OR4F16: variants seen among roughly 807,000 people sequenced by gnomAD.
OR4F16 encodes the protein olfactory receptor family 4 subfamily F member 16.
chr1:696,960 A>T, the OR4F16 span, among the ~76,000 whole-genome samples: 1 of 117,772 alleles, frequency 8.5e-6, no homozygotes, highest in Non-Finnish European at 1.5e-5. Flanking sequence ...AAAATATCAC[A>T]TACAGAGAAA....
the OR4F16 span, among the ~76,000 whole-genome samples, chr1:713,463 TATTA>T: frequency 3.8e-3 from 522 of 136,234 alleles, 10 homozygotes; most frequent in Non-Finnish European, 5.9e-3. Context: ...TCCATTACAC[TATTA>T]ATTTGTCATT....
chr1:715,928 A>G, the OR4F16 span, among the ~76,000 whole-genome samples: 1 of 147,560 alleles, frequency 6.8e-6, no homozygotes, highest in Non-Finnish European at 1.5e-5. Context: ...TTTCTTCCCA[A>G]GCCACTAAAT....
At chr1:690,941 A>C (rs2808330), upstream of OR4F16, among the ~76,000 whole-genome samples, 33 of 135,388 alleles carry the variant, frequency 2.4e-4, 1 homozygote, top group African/African-American at 9.9e-4. Context: ...ATAAATATTC[A>C]AGGTGATGAA....
the OR4F16 span, among the ~76,000 whole-genome samples, chr1:711,417 A>C: frequency 6.7e-6 from 1 of 148,572 alleles, no homozygotes; most frequent in African/African-American, 2.5e-5. Context: ...ATGTTCTTGA[A>C]AGAGAGAAAT....
the OR4F16 span, chr1:711,992 ATATCTAT>A: frequency 8.7e-6 from 1 of 115,266 alleles, no homozygotes; most frequent in Non-Finnish European, 1.6e-5. Context: ...ATAATATTAT[ATATCTAT>A]TATATATTAT....
chr1:700,637 TC>T, the OR4F16 span, among the ~76,000 whole-genome samples: 1 of 28,616 alleles, frequency 3.5e-5, no homozygotes, highest in Non-Finnish European at 1.0e-4. Context: ...TTCAGTTATC[TC>T]CCGTTGGATC....
At chr1:711,153 AT>A in the OR4F16 span, among the ~76,000 whole-genome samples, 1 of 133,974 alleles carries the variant, frequency 7.5e-6, no homozygotes, top group Non-Finnish European at 1.5e-5. Context: ...AAACAGAGCT[AT>A]TATTACAACT....
chr1:712,228 C>CTT, the OR4F16 span, among the ~76,000 whole-genome samples: 3 of 84,790 alleles, frequency 3.5e-5, no homozygotes, highest in African/African-American at 1.4e-4. Flanking sequence ...TCAGGGTATA[C>CTT]TTTTTTTTTT....
chr1:702,314 T>C, the OR4F16 span: 2 of 140,806 alleles, frequency 1.4e-5, no homozygotes, highest in Non-Finnish European at 3.0e-5. Context: ...GCCATTGCAC[T>C]CCAGCCTGGG....
the OR4F16 span, among the ~76,000 whole-genome samples, chr1:701,557 T>C: frequency 3.3e-5 from 5 of 150,378 alleles, no homozygotes; most frequent in Admixed American, 6.7e-5. Flanking sequence ...CCACAGTTTA[T>C]ATGCAGGCTG....
chr1:680,040 G>A, the OR4F16 span, among the ~76,000 whole-genome samples: 1 of 132,536 alleles, frequency 7.5e-6, no homozygotes, highest in Non-Finnish European at 1.6e-5. Context: ...CTTCATCCCT[G>A]GGATACAAGG....
the OR4F16 span, among the ~76,000 whole-genome samples, chr1:701,258 A>C: frequency 6.7e-6 from 1 of 148,324 alleles, no homozygotes; most frequent in Non-Finnish European, 1.5e-5. Flanking sequence ...CTTTAAGGAT[A>C]ATGAGAAAAA....
upstream of OR4F16, among the ~76,000 whole-genome samples, chr1:691,283 T>C (rs1643060018): frequency 6.6e-6 from 1 of 152,006 alleles, no homozygotes; most frequent in African/African-American, 2.4e-5. Flanking sequence ...TATAGAAAAT[T>C]ATTTCTCAAA....
the OR4F16 span, chr1:701,972 C>A: frequency 6.8e-6 from 1 of 148,138 alleles, no homozygotes; most frequent in Admixed American, 6.8e-5. Flanking sequence ...ATATGAAAAA[C>A]ACAAATCTTT....
chr1:701,268 A>G, the OR4F16 span, among the ~76,000 whole-genome samples: 211 of 148,962 alleles, frequency 1.4e-3, 14 homozygotes, highest in African/African-American at 5.1e-3. Context: ...AATGAGAAAA[A>G]ATCATCAGTG....
At chr1:702,270 C>A in the OR4F16 span, 1 of 135,298 alleles carries the variant, frequency 7.4e-6, no homozygotes, top group Admixed American at 7.6e-5. Context: ...TCGCTTGAAC[C>A]CAGGAGGTGG....
the OR4F16 span, among the ~76,000 whole-genome samples, chr1:710,291 AAGT>A: frequency 8.3e-6 from 1 of 120,906 alleles, no homozygotes; most frequent in African/African-American, 2.8e-5. Flanking sequence ...GAAAACAAAA[AAGT>A]AGAAAATGAT....
chr1:715,924 C>T, the OR4F16 span, among the ~76,000 whole-genome samples: 6 of 146,906 alleles, frequency 4.1e-5, no homozygotes, highest in East Asian at 1.2e-3. Flanking sequence ...AAGCTTTCTT[C>T]CCAAGCCACT....
At chr1:717,113 TA>T in the OR4F16 span, among the ~76,000 whole-genome samples, 12 of 140,946 alleles carry the variant, frequency 8.5e-5, no homozygotes, top group Non-Finnish European at 1.7e-4. Flanking sequence ...ATGGATATGC[TA>T]ATTATCCTTA....
Sources: allele counts gnomAD v4.1 joint callset (sites outside exome capture counted in the v4.1 genomes callset), GRCh38; gene constraint gnomAD v4.1.1; transcripts MANE v1.5; gene names NCBI Gene and HGNC (gene_info 2026-07-23, HGNC 2026-07-21).